The following SMOC2 variants were observed in gnomAD, a reference collection of about 807,000 sequenced individuals.
SMOC2 encodes the protein SPARC-related modular calcium-binding protein 2.
A neutral mutation model predicts 61.4 loss-of-function variants in SMOC2; 39 were observed. The observed-to-expected ratio is 0.64, with a 90% CI of 0.49 to 0.83. The LOEUF (loss-of-function observed/expected upper bound fraction) is 0.83. SMOC2 is among the 40% of genes least tolerant of loss of function. The pLI is 0.00. For missense variants in SMOC2, 556 were observed against 592.9 expected (o/e 0.94, Z 0.65); for synonymous variants, 247 against 239.9 (o/e 1.03, Z -0.27).
chr6:168,558,668 A>C (rs1275744500), intron 7 of SMOC2, among the ~76,000 whole-genome samples: 1 of 152,220 alleles, frequency 6.6e-6, no homozygotes, highest in Non-Finnish European at 1.5e-5. Flanking sequence ...AATGGAATTA[A>C]CTTCCAGGTG....
rs559392135 is a variant in SMOC2 at position 168,536,106 on chromosome 6, T to C, written c.464-7519T>C. Among the ~76,000 whole-genome samples, 340 of 152,302 alleles carry C rather than the reference T, an allele frequency of 2.2e-3. 1 individual carries two copies. Among genetic ancestry groups the C allele is most frequent in the African/African-American group, 7.8e-3 (324 of 41,562 alleles). On this transcript the variant is annotated intron_variant, in intron 4 of 12. Transcript: ENST00000356284. ...GGCAGGTCTGTCGTGTGGCCAAAGT[T>C]TGCTTTCTGCCGAGTTTCCAGGCAG...
intron 4 of SMOC2, among the ~76,000 whole-genome samples, chr6:168,533,004 A>C (rs2115084526): frequency 1.3e-5 from 2 of 151,892 alleles, no homozygotes; most frequent in Middle Eastern, 3.4e-3. Context: ...GTAACATGCA[A>C]ATTTATAATT....
chr6:168,657,177 C>T (rs1787344965), intron 11 of SMOC2, among the ~76,000 whole-genome samples: 2 of 152,234 alleles, frequency 1.3e-5, no homozygotes, highest in South Asian at 4.1e-4. Flanking sequence ...ATCCAATATC[C>T]AATCCTACTT....
At chr6:168,476,633 G>GAT (rs1782094283) in intron 1 of SMOC2, among the ~76,000 whole-genome samples, 1 of 151,782 alleles carries the variant, frequency 6.6e-6, no homozygotes. Flanking sequence ...AATATATATA[G>GAT]ATGTGTGTGT....
At chr6:168,593,909 A>G (rs868211056) in intron 7 of SMOC2, among the ~76,000 whole-genome samples, 12 of 4,056 alleles carry the variant, frequency 3.0e-3, no homozygotes, top group African/African-American at 9.6e-3. Context: ...CCTCACGGGC[A>G]TCTTTCTAGA....
intron 7 of SMOC2, among the ~76,000 whole-genome samples, chr6:168,560,477 C>A (rs997269909): frequency 1.3e-5 from 2 of 152,178 alleles, no homozygotes; most frequent in African/African-American, 2.4e-5. Flanking sequence ...AATGCGTCCT[C>A]TGTGCCCACC....
chr6:168,611,926 C>A (rs1031320525), intron 9 of SMOC2, among the ~76,000 whole-genome samples: 1 of 152,176 alleles, frequency 6.6e-6, no homozygotes, highest in African/African-American at 2.4e-5. Context: ...TGGGGCACAG[C>A]GTGTGGTGTG....
intron 2 of SMOC2, among the ~76,000 whole-genome samples, chr6:168,511,190 G>A (rs4708746): frequency 0.4 from 60,671 of 152,090 alleles, 13,381 homozygotes; most frequent in East Asian, 0.59. Context: ...TCACACAATG[G>A]TGAACTTGCC....
intron 1 of SMOC2, among the ~76,000 whole-genome samples, chr6:168,501,970 T>G (rs1217823784): frequency 6.6e-6 from 1 of 152,246 alleles, no homozygotes; most frequent in East Asian, 1.9e-4. Context: ...CCCTGCCCTC[T>G]TTCCTGCATC....
At chr6:168,596,877 A>G (rs546034730) in intron 7 of SMOC2, among the ~76,000 whole-genome samples, 7 of 152,378 alleles carry the variant, frequency 4.6e-5, no homozygotes, top group Non-Finnish European at 8.8e-5. Flanking sequence ...CACAGAACTT[A>G]TAAGACACAA....
intron 1 of SMOC2, among the ~76,000 whole-genome samples, chr6:168,492,563 C>T (rs1420194941): frequency 2.0e-5 from 3 of 152,242 alleles, no homozygotes; most frequent in Non-Finnish European, 4.4e-5. Flanking sequence ...AGAAAATATA[C>T]ACACAAGCAT....
At chr6:168,567,205 A>C (rs1784566061) in intron 7 of SMOC2, among the ~76,000 whole-genome samples, 1 of 152,324 alleles carries the variant, frequency 6.6e-6, no homozygotes, top group Admixed American at 6.5e-5. Context: ...AAAATGAGAA[A>C]ATTTTCTTAA....
At chr6:168,599,589 C>CCACACACCCCCCACACACT (rs201783944) in intron 8 of SMOC2, among the ~76,000 whole-genome samples, 3 of 9,158 alleles carry the variant, frequency 3.3e-4, no homozygotes, top group African/African-American at 8.3e-4. Flanking sequence ...CCACACACAC[C>CCACACACCCCCCACACACT]CACACATACC....
At chr6:168,526,556 A>C (rs1783460026) in intron 3 of SMOC2, 104 bp downstream of exon 3, 1 of 881,980 alleles carries the variant, frequency 1.1e-6, no homozygotes, top group African/African-American at 1.7e-5. Context: ...CAGAAGAAGC[A>C]GCGGGTTTGT....
At chr6:168,602,182 T>A (rs1317998976) in intron 8 of SMOC2, among the ~76,000 whole-genome samples, 2 of 152,210 alleles carry the variant, frequency 1.3e-5, no homozygotes, top group East Asian at 3.9e-4. Flanking sequence ...CCAGAACTGC[T>A]GTCCCTTGCT....
chr6:168,488,076 A>G (rs1286166232), intron 1 of SMOC2, among the ~76,000 whole-genome samples: 1 of 152,212 alleles, frequency 6.6e-6, no homozygotes, highest in Non-Finnish European at 1.5e-5. Flanking sequence ...GGGCTGCCCT[A>G]TCACAGCACC....
chr6:168,630,921 G>C (rs927632212), intron 9 of SMOC2, among the ~76,000 whole-genome samples: 2 of 152,134 alleles, frequency 1.3e-5, no homozygotes, highest in African/African-American at 4.8e-5. Context: ...TCAAAACCCT[G>C]TCTCCTGATA....
At position 168,497,279 on chromosome 6, in the gene SMOC2, C is replaced by T. The variant is rs754946014; in HGVS notation, c.85-12636C>T. Among the ~76,000 whole-genome samples the T allele has an allele frequency of 5.9e-5, 9 of 152,232 alleles. No individual in the cohort carries two copies. The South Asian group carries it at 6.2e-4, about 10-fold the overall frequency. ...AATGAGGTGCCTGGGCTGGCATCTT[C>T]GTGTGTTCCTGGGTGACCCTGTGAG... is the stretch of plus-strand genomic sequence containing the variant. On this transcript the variant is annotated intron_variant, in intron 1 of 12. Transcript: ENST00000356284.
At chr6:168,441,896 C>T (rs1456611360) in intron 1 of SMOC2, among the ~76,000 whole-genome samples, 1 of 152,116 alleles carries the variant, frequency 6.6e-6, no homozygotes, top group Non-Finnish European at 1.5e-5. Context: ...CGGACTGTCC[C>T]AAGGCCAAGA....
Sources: allele counts gnomAD v4.1 joint callset (sites outside exome capture counted in the v4.1 genomes callset), GRCh38; gene constraint gnomAD v4.1.1; transcripts MANE v1.5; gene names NCBI Gene and HGNC (gene_info 2026-07-23, HGNC 2026-07-21).